The following RALGPS1 variants were observed in gnomAD, a reference collection of about 807,000 sequenced individuals.
The protein encoded by RALGPS1 is ras-specific guanine nucleotide-releasing factor RalGPS1.
A neutral mutation model predicts 78.8 loss-of-function variants in RALGPS1; 19 were observed. The observed-to-expected ratio is 0.24, with a 90% CI of 0.17 to 0.35. RALGPS1 has a LOEUF of 0.35. Ranked by LOEUF, RALGPS1 falls within the 10% of genes least tolerant of loss-of-function variation. The pLI, the probability that RALGPS1 is intolerant of heterozygous loss-of-function variation, is 1.00. For missense variants in RALGPS1, 454 were observed against 688.3 expected, an observed-to-expected ratio of 0.66 and a Z score of 3.81; for synonymous variants, 228 against 256.3, an observed-to-expected ratio of 0.89 and a Z score of 1.06.
At chr9:126,982,868 T>A (rs1243732458) in intron 4 of RALGPS1, among the ~76,000 whole-genome samples, 1 of 149,892 alleles carries the variant, frequency 6.7e-6, no homozygotes, top group African/African-American at 2.5e-5. Flanking sequence ...CTTCTTCTTC[T>A]TCTTCCTCTT....
chr9:127,214,727 A>T (rs769438251), intron 17 of RALGPS1, 24 bp from the exon 18 acceptor site: 23 of 1,594,850 alleles, frequency 1.4e-5, no homozygotes, highest in Non-Finnish European at 1.9e-5. Context: ...CCTCTTCTTA[A>T]CTCATGGTTT....
chr9:126,959,021 C>T (rs1026709975), intron 1 of RALGPS1, among the ~76,000 whole-genome samples: 1 of 149,408 alleles, frequency 6.7e-6, no homozygotes, highest in African/African-American at 2.5e-5. Flanking sequence ...TTGTGTTTCC[C>T]TGATGGCATT....
chr9:126,916,997 G>C (rs1184487620), intron 1 of RALGPS1, among the ~76,000 whole-genome samples: 1 of 152,088 alleles, frequency 6.6e-6, no homozygotes, highest in African/African-American at 2.4e-5. Flanking sequence ...TCCTACCTTC[G>C]TTGCATGGAC....
chr9:127,117,837 G>T (rs1209485188), intron 8 of RALGPS1, among the ~76,000 whole-genome samples: 1 of 152,232 alleles, frequency 6.6e-6, no homozygotes, highest in African/African-American at 2.4e-5. Context: ...GGACTTTAAG[G>T]ATTCTTGGAG....
intron 1 of RALGPS1, among the ~76,000 whole-genome samples, chr9:126,930,689 C>T (rs2035711989): frequency 6.6e-6 from 1 of 152,150 alleles, no homozygotes; most frequent in South Asian, 2.1e-4. Context: ...GAACTCCTGG[C>T]CTCAAGTGAT....
intron 11 of RALGPS1, among the ~76,000 whole-genome samples, chr9:127,186,182 A>G (rs1323409658): frequency 6.6e-6 from 1 of 152,220 alleles, no homozygotes; most frequent in Admixed American, 6.5e-5. Flanking sequence ...TTTTTTTTCA[A>G]CATGATATCT....
intron 8 of RALGPS1, among the ~76,000 whole-genome samples, chr9:127,161,410 G>C (rs1160047946): frequency 6.6e-6 from 1 of 152,228 alleles, no homozygotes; most frequent in East Asian, 1.9e-4. Flanking sequence ...AGGTAAAAAG[G>C]CTTGCCTAAG....
intron 1 of RALGPS1, among the ~76,000 whole-genome samples, chr9:126,923,159 G>C (rs2034932580): frequency 6.6e-6 from 1 of 152,206 alleles, no homozygotes; most frequent in African/African-American, 2.4e-5. Context: ...TAGATCGGAG[G>C]TTCTGTCCAT....
intron 8 of RALGPS1, among the ~76,000 whole-genome samples, chr9:127,129,168 G>A (rs902234955): frequency 4.6e-5 from 7 of 152,150 alleles, no homozygotes; most frequent in African/African-American, 1.7e-4. Flanking sequence ...ATTTTAAGGC[G>A]TGTCCAGCTC....
chr9:127,214,949 C>T, intron 18 of RALGPS1, 107 bp downstream of exon 18: 1 of 1,546,482 alleles, frequency 6.5e-7, no homozygotes, highest in Non-Finnish European at 8.7e-7. Context: ...GCCCATTAGC[C>T]ACACTCTCAG....
intron 8 of RALGPS1, among the ~76,000 whole-genome samples, chr9:127,113,107 G>C (rs2055015931): frequency 6.6e-6 from 1 of 152,202 alleles, no homozygotes; most frequent in Non-Finnish European, 1.5e-5. Flanking sequence ...TGGGTTACAG[G>C]AAGGAAGGGA....
chr9:127,153,990 G>C (rs1463565145), intron 8 of RALGPS1, among the ~76,000 whole-genome samples: 1 of 152,236 alleles, frequency 6.6e-6, no homozygotes, highest in Non-Finnish European at 1.5e-5. Flanking sequence ...AATACAAGGA[G>C]AGTAGGTGTA....
rs140649865 is a variant in RALGPS1, at chr9:127,195,172, C to T, written c.992C>T (p.Thr331Ile). The T allele has an allele frequency of 1.0e-3, 1,651 of 1,612,800 alleles. 3 individuals carry two copies. The highest frequency in any genetic ancestry group is 1.3e-3 in the Non-Finnish European group (1,522 of 1,180,000). ...PDTSVAGSLP[T>I]PPVPRHRKSH... is the part of the protein sequence containing the mutation. Reference sequence around the variant, plus strand: ...ACATCTGTTGCTGGCAGCCTCCCCACACCTCCAGTCCCCAGACACAGGAAG... The same window carrying T: ...ACATCTGTTGCTGGCAGCCTCCCCATACCTCCAGTCCCCAGACACAGGAAG... The change falls in exon 12 of 19, where the codon ACA becomes ATA. Residue 331 changes from threonine (T) to isoleucine (I), a missense_variant. Transcript: ENST00000259351.
At chr9:126,981,976 G>A (rs988747844) in intron 4 of RALGPS1, among the ~76,000 whole-genome samples, 11 of 152,108 alleles carry the variant, frequency 7.2e-5, no homozygotes, top group African/African-American at 1.4e-4. Context: ...AAGGTGGCTC[G>A]TGCACAATGC....
At chr9:126,991,355 T>A (rs1396215775) in intron 4 of RALGPS1, among the ~76,000 whole-genome samples, 1 of 152,144 alleles carries the variant, frequency 6.6e-6, no homozygotes, top group Non-Finnish European at 1.5e-5. Context: ...AGCAGCACAT[T>A]TGATCCAACA....
chr9:127,149,832 C>T (rs898586004), intron 8 of RALGPS1, among the ~76,000 whole-genome samples: 18 of 152,172 alleles, frequency 1.2e-4, no homozygotes, highest in African/African-American at 4.3e-4. Context: ...CTTGGTTTCC[C>T]CACCTGGATG....
intron 4 of RALGPS1, among the ~76,000 whole-genome samples, chr9:126,982,670 C>G (rs1389012204): frequency 6.6e-6 from 1 of 152,104 alleles, no homozygotes; most frequent in Non-Finnish European, 1.5e-5. Context: ...CTGGCTTGCT[C>G]TAGATACATG....
intron 8 of RALGPS1, among the ~76,000 whole-genome samples, chr9:127,153,003 A>C (rs1229989318): frequency 1.3e-5 from 2 of 152,246 alleles, no homozygotes; most frequent in Non-Finnish European, 2.9e-5. Context: ...AATCACACTG[A>C]ACAATAAGTG....
chr9:127,135,735 A>G (rs2057349976), intron 8 of RALGPS1, among the ~76,000 whole-genome samples: 1 of 152,184 alleles, frequency 6.6e-6, no homozygotes. Context: ...GGAAGTTTAC[A>G]AAGACAAAGG....
Sources: allele counts gnomAD v4.1 joint callset (sites outside exome capture counted in the v4.1 genomes callset), GRCh38; gene constraint gnomAD v4.1.1; transcripts MANE v1.5; gene names NCBI Gene and HGNC (gene_info 2026-07-23, HGNC 2026-07-21).